EBF3: variants seen among roughly 807,000 people sequenced by gnomAD.
EBF3 encodes EBF transcription factor 3, also known as transcription factor COE3.
A neutral mutation model predicts 77.1 loss-of-function variants in EBF3; 18 were observed. That is an observed-to-expected ratio of 0.23 (90% CI 0.16 to 0.35). EBF3 has a LOEUF of 0.35. EBF3 is among the 10% of genes least tolerant of loss of function. The pLI, the probability that EBF3 is intolerant of heterozygous loss-of-function variation, is 1.00. For missense variants in EBF3, 558 were observed against 860.0 expected (o/e 0.65, Z 4.39); for synonymous variants, 350 against 343.5 (o/e 1.02, Z -0.21).
rs1857260511 is a variant in EBF3, at chr10:129,935,010, C to CAT, written c.554+22247_554+22248insAT. Among the ~76,000 whole-genome samples the CAT allele has an allele frequency of 6.6e-6, 1 of 152,168 alleles. No homozygotes were observed. The highest frequency in any genetic ancestry group is 1.5e-5 in the Non-Finnish European group (1 of 68,032). On this transcript the variant is annotated intron_variant, in intron 6 of 16. Transcript: ENST00000440978. The surrounding 1 kb of genome is among the most constrained non-coding windows in gnomAD (Gnocchi z 4.2). ...TACTGTGTACCTGGTGGTGATCTAA[C>CAT]TAGATCAATAACAAGTAATGTTTAA...
rs1047602469 is a variant in EBF3 at position 129,879,946 on chromosome 10, C to T, written c.555-2097G>A. ...CTAATCTTCGGAGCAGGCGCCGGCC[C>T]GAGAAGCTGCTCATCTGCAAATGTA... On this transcript the variant is annotated intron_variant, in intron 6 of 16. Coordinates refer to ENST00000440978, the MANE Select transcript of EBF3 (RefSeq NM_001375380.1). This position sits in a 1 kb window ranked among gnomAD's most constrained non-coding sequence, Gnocchi z 4.7. Among the ~76,000 whole-genome samples the T allele has an allele frequency of 5.3e-5, 8 of 152,156 alleles. No individual in the cohort carries two copies. The highest frequency in any genetic ancestry group is 1.4e-4 in the African/African-American group (6 of 41,428).
At chr10:129,939,222 T>C (rs543449146) in intron 6 of EBF3, among the ~76,000 whole-genome samples, 37 of 152,308 alleles carry the variant, frequency 2.4e-4, no homozygotes, top group African/African-American at 8.9e-4. Context: ...GGGGCAGTGG[T>C]GTCAGTGCTG....
At chr10:129,857,831 A>G (rs1851359705) in intron 10 of EBF3, among the ~76,000 whole-genome samples, 1 of 152,204 alleles carries the variant, frequency 6.6e-6, no homozygotes, top group African/African-American at 2.4e-5. Context: ...GCCTCTCAGT[A>G]TCACCTACTG....
chr10:129,914,864 C>T (rs1270550488), intron 6 of EBF3, among the ~76,000 whole-genome samples: 1 of 152,076 alleles, frequency 6.6e-6, no homozygotes, highest in Non-Finnish European at 1.5e-5. Context: ...CAATAAAAGA[C>T]CCTCAGGGTC....
In EBF3 at chr10:129,855,340, T is replaced by C. The variant is rs1402298915; in HGVS notation, c.1040-6860A>G. 3.9e-5 allele frequency among the ~76,000 whole-genome samples: 6 copies of C among 152,218 alleles called. No individual in the cohort carries two copies. The East Asian group carries it at 9.6e-4, about 24-fold the overall frequency. ...CACCAGGCACAGAAAAGGGGACAGCTCATCTTCCTTGTACCAAAATAATAC... is the reference window on the plus strand; with the variant it reads ...CACCAGGCACAGAAAAGGGGACAGCCCATCTTCCTTGTACCAAAATAATAC... On this transcript the variant is annotated intron_variant, in intron 10 of 16. Coordinates refer to ENST00000440978, the MANE Select transcript of EBF3 (RefSeq NM_001375380.1).
rs1241319198 is a variant in EBF3 at position 129,837,307 on chromosome 10, A to G, written c.*636T>C. On this transcript the variant is annotated 3_prime_UTR_variant, in exon 17 of 17. Transcript: ENST00000440978. The stretch of plus-strand genomic sequence containing the variant: ...ATTCAATATCAAAGTTACAATTTCT[A>G]ACTACAATAAGTTACAAAGTTTCAT... 1 of 152,664 alleles carries G rather than the reference A, an allele frequency of 6.6e-6. No homozygotes were observed. The highest frequency in any genetic ancestry group is 1.5e-5 in the Non-Finnish European group (1 of 68,054). The allele number at this position is 152,664 out of a possible 1,614,324, so 9.5% of individuals were successfully genotyped here.
At position 129,930,608 on chromosome 10, in the gene EBF3, A is replaced by G. The variant is rs187389936; in HGVS notation, c.554+26650T>C. Among the ~76,000 whole-genome samples, 899 of 143,440 alleles carry G rather than the reference A, an allele frequency of 6.3e-3. 8 individuals are homozygous for G. Among genetic ancestry groups the G allele is most frequent in the African/African-American group, 0.022 (836 of 38,030 alleles). The allele number at this position is 143,440 out of a possible 152,430, so 94.1% of individuals were successfully genotyped here. ...TAACAAATCCCCCTCTCATATATCTATATCTATATCTGTCTATATCTATCT... is the reference window on the plus strand; with the variant it reads ...TAACAAATCCCCCTCTCATATATCTGTATCTATATCTGTCTATATCTATCT... On this transcript the variant is annotated intron_variant, in intron 6 of 16. Coordinates refer to ENST00000440978, the MANE Select transcript of EBF3 (RefSeq NM_001375380.1).
At chr10:129,959,126 G>C in intron 4 of EBF3, 119 bp from the exon 5 acceptor site, 1 of 1,227,408 alleles carries the variant, frequency 8.1e-7, no homozygotes, top group Non-Finnish European at 1.2e-6. Context: ...GGGAGGCGAT[G>C]CGCCCCCCTC....
chr10:129,903,217 T>C (rs1301254155), intron 6 of EBF3, among the ~76,000 whole-genome samples: 1 of 152,236 alleles, frequency 6.6e-6, no homozygotes, highest in Non-Finnish European at 1.5e-5. Context: ...TGGTTCAGTA[T>C]ATACGGTTCA....
rs535266860 is a variant in EBF3 at position 129,943,339 on chromosome 10, C to CAA, written c.554+13917_554+13918dup. On this transcript the variant is annotated intron_variant, in intron 6 of 16. Transcript: ENST00000440978. The surrounding 1 kb of genome is among the most constrained non-coding windows in gnomAD (Gnocchi z 8.8). ...GAAGCAAATTGGATTTGCCCTATCA[C>CAA]AAAAAAAATTAATTCCAGATTGTAG... Among the ~76,000 whole-genome samples the CAA allele has an allele frequency of 1.3e-5, 2 of 152,036 alleles. No individual in the cohort carries two copies. The highest frequency in any genetic ancestry group is 4.1e-4 in the South Asian group (2 of 4,822).
At position 129,930,048 on chromosome 10, in the gene EBF3, G is replaced by A. The variant is rs182014663; in HGVS notation, c.554+27210C>T. The stretch of plus-strand genomic sequence containing the variant: ...AGGTGAGTGTCTCCCTCTGTCTGCC[G>A]GAGCTGGGACTCTTCCTCCCCTGTC... On this transcript the variant is annotated intron_variant, in intron 6 of 16. Coordinates refer to ENST00000440978, the MANE Select transcript of EBF3 (RefSeq NM_001375380.1). Among the ~76,000 whole-genome samples the A allele has an allele frequency of 4.2e-3, 646 of 152,218 alleles. 5 individuals are homozygous for A. The highest frequency in any genetic ancestry group is 0.021 in the South Asian group (102 of 4,816).
At chr10:129,919,200 C>G (rs2134343316) in intron 6 of EBF3, among the ~76,000 whole-genome samples, 1 of 152,268 alleles carries the variant, frequency 6.6e-6, no homozygotes, top group South Asian at 2.1e-4. Flanking sequence ...ACCACATGGG[C>G]AGCAGGGTCT....
Position 129,962,864 on chromosome 10 carries a change from A to G in EBF3, c.355+78T>C, listed in dbSNP as rs898090514. 2.1e-5 allele frequency: 32 copies of G among 1,537,014 alleles called. 1 individual carries two copies. Among genetic ancestry groups the G allele is most frequent in the Non-Finnish European group, 2.3e-5 (26 of 1,118,382 alleles). On this transcript the variant is annotated intron_variant, in intron 3 of 16. Coordinates refer to ENST00000440978, the MANE Select transcript of EBF3 (RefSeq NM_001375380.1). ...TTACATCCATGTCATTTTAATCTCA[A>G]ATCTTTATGTCCTTTCACCAGCGCA... is the stretch of plus-strand genomic sequence containing the variant.
In EBF3 at chr10:129,947,042, T is replaced by G. The variant is rs1858279352; in HGVS notation, c.554+10216A>C. ...GGATCGGGCCGATGACCTCGGACAG[T>G]GGGGACCAGCAGCACGTCCAATCCA... is the stretch of plus-strand genomic sequence containing the variant. On this transcript the variant is annotated intron_variant, in intron 6 of 16. Coordinates refer to ENST00000440978, the MANE Select transcript of EBF3 (RefSeq NM_001375380.1). This position sits in a 1 kb window ranked among gnomAD's most constrained non-coding sequence, Gnocchi z 4.5. 6.6e-6 allele frequency among the ~76,000 whole-genome samples: 1 copy of G among 152,152 alleles called. No homozygotes were observed. The highest frequency in any genetic ancestry group is 1.5e-5 in the Non-Finnish European group (1 of 67,996).
At position 129,843,182 on chromosome 10, in the gene EBF3, C is replaced by G. The variant is rs529814619; in HGVS notation, c.1149G>C (p.Ala383=). Residue 383 remains alanine (A), a synonymous_variant, in exon 12 of 17, where the codon GCG becomes GCC. Coordinates refer to ENST00000440978, the MANE Select transcript of EBF3 (RefSeq NM_001375380.1). ...RLPKEVLLKR[A]ADLVEALYGM... is the part of the protein sequence containing the mutation. ...CGTATAAGGCTTCCACCAGGTCCGC[C>G]GCCCGCTTCAGTAACACCTCCTAAA... The G allele has an allele frequency of 6.2e-7, 1 of 1,613,196 alleles. No homozygotes were observed. Among genetic ancestry groups the G allele is most frequent in the Admixed American group, 1.7e-5 (1 of 59,906 alleles).
chr10:129,857,500 T>C (rs1002521501), intron 10 of EBF3, among the ~76,000 whole-genome samples: 4 of 152,170 alleles, frequency 2.6e-5, no homozygotes, highest in African/African-American at 9.6e-5. Flanking sequence ...CTCCCAACCA[T>C]CTCCCCAGGG....
intron 6 of EBF3, among the ~76,000 whole-genome samples, chr10:129,929,881 A>G (rs1208761229): frequency 2.0e-5 from 3 of 152,348 alleles, no homozygotes; most frequent in South Asian, 4.1e-4. Context: ...CTGGTCAAAC[A>G]TCATTTCTGG....
chr10:129,874,659 G>A (rs753641859), intron 7 of EBF3, among the ~76,000 whole-genome samples: 6 of 152,150 alleles, frequency 3.9e-5, no homozygotes, highest in African/African-American at 7.2e-5. Context: ...CCACAGTTTG[G>A]GCACACTCGG....
chr10:129,842,171 G>A lies in EBF3; in HGVS notation c.1317C>T (p.Ser439=), dbSNP rs112356719. ...PAHTGMMGVN[S]FSSQLAVNVS... ...CGTTGACGGCTAGCTGGCTGCTGAA[G>A]GAGTTGACGCCCATCATGCCCGTGT... Residue 439 remains serine, a synonymous_variant, in exon 13 of 17, where the codon TCC becomes TCT. Transcript: ENST00000440978. This position sits in a 1 kb window ranked among gnomAD's most constrained non-coding sequence, Gnocchi z 4.4. The A allele has an allele frequency of 6.2e-7, 1 of 1,614,262 alleles. No individual in the cohort carries two copies. The highest frequency in any genetic ancestry group is 8.5e-7 in the Non-Finnish European group (1 of 1,180,048).
Sources: gnomAD v4.1 joint callset for allele counts (sites outside exome capture counted in the v4.1 genomes callset) on GRCh38, gnomAD v4.1.1 for gene constraint, Gnocchi (gnomAD v3.1) non-coding constraint, MANE v1.5 for transcripts, NCBI Gene and HGNC (gene_info 2026-07-23, HGNC 2026-07-21) for gene names.